The following MCPH1 variants were observed in gnomAD, a reference collection of about 807,000 sequenced individuals.
MCPH1 encodes the protein microcephalin 1, also known as microcephalin.
A neutral mutation model predicts 84.5 loss-of-function variants in MCPH1; 104 were observed. That is an observed-to-expected ratio of 1.23 (90% CI 1.05 to 1.45). The LOEUF (loss-of-function observed/expected upper bound fraction) is 1.45. MCPH1 is among the 40% of genes most tolerant of loss of function. The pLI is 0.00. For missense variants in MCPH1, 1,498 were observed against 1,005.7 expected, an observed-to-expected ratio of 1.49 and a Z score of -6.62; for synonymous variants, 514 against 366.8, an observed-to-expected ratio of 1.40 and a Z score of -4.58.
At chr8:6,572,203 T>C (rs1047904622) in intron 12 of MCPH1, among the ~76,000 whole-genome samples, 2 of 150,564 alleles carry the variant, frequency 1.3e-5, no homozygotes, top group Non-Finnish European at 3.0e-5. Flanking sequence ...AAAAAATGAG[T>C]AACGTTTTTT....
chr8:6,612,778 G>A (rs1484090100), intron 12 of MCPH1, among the ~76,000 whole-genome samples: 2 of 152,240 alleles, frequency 1.3e-5, no homozygotes, highest in South Asian at 2.1e-4. Flanking sequence ...GTGCCTCTGA[G>A]AAGAGGACTG....
At chr8:6,535,941 C>T (rs780709820) in intron 12 of MCPH1, among the ~76,000 whole-genome samples, 2 of 151,702 alleles carry the variant, frequency 1.3e-5, no homozygotes, top group Non-Finnish European at 2.9e-5. Context: ...CCTGTAGTCT[C>T]AGGTACTGGG....
chr8:6,449,299 A>C (rs900072460), intron 8 of MCPH1, among the ~76,000 whole-genome samples: 10 of 152,160 alleles, frequency 6.6e-5, no homozygotes, highest in Non-Finnish European at 1.0e-4. Context: ...ATTGAAAAAT[A>C]GGTGGAAGCT....
Position 6,647,271 on chromosome 8 carries a change from A to ATTCCAACATCT in MCPH1, c.*4223_*4233dup, listed in dbSNP as rs1798258303. 6.6e-6 allele frequency: 1 copy of ATTCCAACATCT among 152,236 alleles called. No individual in the cohort carries two copies. Among genetic ancestry groups the ATTCCAACATCT allele is most frequent in the African/African-American group, 2.4e-5 (1 of 41,458 alleles). The allele number at this position is 152,236 out of a possible 1,614,324, so 9.4% of individuals were successfully genotyped here. A position where few individuals can be genotyped will look rare whatever the true frequency, so the allele number is the denominator to read the frequency against. ...ATGACTGTAAACAACAAGACTGATAATTCCAACATCTGACCAAGATATGGA... is the reference window on the plus strand; with the variant it reads ...ATGACTGTAAACAACAAGACTGATAATTCCAACATCTTTCCAACATCTGACCAAGATATGGA... On this transcript the variant is annotated 3_prime_UTR_variant, in exon 14 of 14. Transcript: ENST00000344683.
At chr8:6,587,430 T>C (rs77708428) in intron 12 of MCPH1, among the ~76,000 whole-genome samples, 2,684 of 152,284 alleles carry the variant, frequency 0.018, 83 homozygotes, top group African/African-American at 0.06. Flanking sequence ...ACACTTTCAA[T>C]GTGTGGTTGG....
At chr8:6,560,544 T>C (rs1199420555) in intron 12 of MCPH1, among the ~76,000 whole-genome samples, 1 of 152,186 alleles carries the variant, frequency 6.6e-6, no homozygotes, top group African/African-American at 2.4e-5. Flanking sequence ...ATTGCCTTTC[T>C]CAGGTGCACG....
chr8:6,409,094 C>T (rs1335199226), intron 1 of MCPH1, among the ~76,000 whole-genome samples, 185 bp from the exon 2 acceptor site: 3 of 152,136 alleles, frequency 2.0e-5, no homozygotes, highest in Admixed American at 2.0e-4. Context: ...ACCATGTTGG[C>T]CCGGCTGGTC....
At chr8:6,414,324 A>C (rs1433129010) in intron 2 of MCPH1, among the ~76,000 whole-genome samples, 1 of 152,234 alleles carries the variant, frequency 6.6e-6, no homozygotes, top group Non-Finnish European at 1.5e-5. Flanking sequence ...ACAGTATCTT[A>C]AGATATGAGG....
intron 12 of MCPH1, among the ~76,000 whole-genome samples, chr8:6,563,637 T>G (rs1825870918): frequency 6.6e-6 from 1 of 152,240 alleles, no homozygotes; most frequent in Non-Finnish European, 1.5e-5. Flanking sequence ...ATATTACAAA[T>G]AGGTCAGGAC....
At chr8:6,441,776 T>A (rs974209755) in intron 6 of MCPH1, among the ~76,000 whole-genome samples, 58 of 152,228 alleles carry the variant, frequency 3.8e-4, no homozygotes, top group Admixed American at 3.7e-3. Context: ...GACCCCAACG[T>A]CACCTCTGGT....
At chr8:6,453,893 T>G (rs1585865052) in intron 8 of MCPH1, among the ~76,000 whole-genome samples, 1 of 151,850 alleles carries the variant, frequency 6.6e-6, no homozygotes. Context: ...TGGCAAAGAG[T>G]GTAGGTTGGT....
At chr8:6,505,392 T>TAC (rs1813296442) in intron 12 of MCPH1, among the ~76,000 whole-genome samples, 2 of 75,454 alleles carry the variant, frequency 2.7e-5, no homozygotes, top group African/African-American at 5.7e-5. Context: ...TTTCTATATG[T>TAC]ATATAGAATA....
rs576486256 is a variant in MCPH1, at chr8:6,408,429, C to T, written c.23-850C>T. 2.6e-5 allele frequency among the ~76,000 whole-genome samples: 4 copies of T among 152,250 alleles called. No individual in the cohort carries two copies. The South Asian group carries it at 6.2e-4, about 24-fold the overall frequency. On this transcript the variant is annotated intron_variant, in intron 1 of 13. Coordinates refer to ENST00000344683, the MANE Select transcript of MCPH1 (RefSeq NM_024596.5). ...TAGAGCCAGGGTCTCACTATGTTGC[C>T]TAGGCTGGTCTTGAATTCCTAGCCT... is the stretch of plus-strand genomic sequence containing the variant.
intron 12 of MCPH1, among the ~76,000 whole-genome samples, chr8:6,609,665 T>A (rs941077514): frequency 6.6e-6 from 1 of 152,244 alleles, no homozygotes; most frequent in Non-Finnish European, 1.5e-5. Flanking sequence ...ATTATCCTGA[T>A]GCGCTTTTAC....
At chr8:6,479,003 G>A (rs1340003813) in intron 10 of MCPH1, among the ~76,000 whole-genome samples, 1 of 152,166 alleles carries the variant, frequency 6.6e-6, no homozygotes, top group African/African-American at 2.4e-5. Flanking sequence ...GTTGGTTCAC[G>A]GCTATAATCC....
intron 11 of MCPH1, 144 bp from the exon 12 acceptor site, chr8:6,499,708 G>C (rs1294386428): frequency 1.4e-6 from 1 of 698,960 alleles, no homozygotes; most frequent in Admixed American, 2.2e-5. Context: ...TGAAGATTCT[G>C]AAGGGACTTT....
Position 6,645,760 on chromosome 8 carries a change from A to G in MCPH1, c.*2711A>G. 6.6e-6 allele frequency: 1 copy of G among 152,138 alleles called. No individual in the cohort carries two copies. The highest frequency in any genetic ancestry group is 1.5e-5 in the Non-Finnish European group (1 of 68,016). 9.4% of individuals were successfully genotyped at this position (152,138 alleles called of 1,614,324 possible). On this transcript the variant is annotated 3_prime_UTR_variant, in exon 14 of 14. Transcript: ENST00000344683. ...ATAAGCAATTCAAAATGAAATTAAG[A>G]CCACGATTCCATTTAAAATTGCATC...
chr8:6,445,271 G>A lies in MCPH1; in HGVS notation c.1549G>A (p.Asp517Asn). 6.2e-7 allele frequency: 1 copy of A among 1,614,182 alleles called. No homozygotes were observed. ...LRCCRQAGKEDACPEGNGFSY... is the reference protein window; with the variant it reads ...LRCCRQAGKENACPEGNGFSY... ...GTGTTGTAGACAGGCTGGGAAAGAA[G>A]ACGCATGCCCAGAGGGAAATGGCTT... Residue 517 changes from aspartate to asparagine, a missense_variant, in exon 8 of 14, where the codon GAC becomes AAC. Coordinates refer to ENST00000344683, the MANE Select transcript of MCPH1 (RefSeq NM_024596.5).
chr8:6,425,586 A>G (rs1029851247), intron 3 of MCPH1, among the ~76,000 whole-genome samples: 9 of 152,176 alleles, frequency 5.9e-5, no homozygotes, highest in Admixed American at 2.6e-4. Flanking sequence ...ACTCTGAAGG[A>G]TATGTGGTTG....
Sources: gnomAD v4.1 joint callset for allele counts (sites outside exome capture counted in the v4.1 genomes callset) on GRCh38, gnomAD v4.1.1 for gene constraint, MANE v1.5 for transcripts, NCBI Gene and HGNC (gene_info 2026-07-23, HGNC 2026-07-21) for gene names.